CAMK1: variants seen among roughly 807,000 people sequenced by gnomAD.
The protein encoded by CAMK1 is calcium/calmodulin dependent protein kinase I, also known as calcium/calmodulin-dependent protein kinase type 1.
A neutral mutation model predicts 49.1 loss-of-function variants in CAMK1; 39 were observed. The observed-to-expected ratio is 0.79, with a 90% CI of 0.62 to 1.04. The LOEUF (loss-of-function observed/expected upper bound fraction) is 1.04. Ranked by LOEUF, CAMK1 falls within the 50% of genes least tolerant of loss-of-function variation. CAMK1 has a pLI of 0.00. For missense variants in CAMK1, 457 were observed against 472.2 expected (o/e 0.97, Z 0.30); for synonymous variants, 192 against 185.2 (o/e 1.04, Z -0.30).
chr3:9,766,496 A>C, intron 2 of CAMK1: 1 of 420,402 alleles, frequency 2.4e-6, no homozygotes, highest in Non-Finnish European at 4.1e-6. Context: ...AAAGAAAAAA[A>C]AAAGAAATGC....
rs765649218 is a variant in CAMK1, at chr3:9,760,653, T to G, written c.745+3A>C. On this transcript the variant is annotated splice_donor_region_variant and intron_variant, in intron 8 of 11. Transcript: ENST00000256460. Reference sequence around the variant, plus strand: ...CAGGGGAAAAAAGCAAAGCCCCAAATACCAGAGTCAGAGATGTCGTCCCAG... The same window carrying G: ...CAGGGGAAAAAAGCAAAGCCCCAAAGACCAGAGTCAGAGATGTCGTCCCAG... 1.2e-6 allele frequency: 2 copies of G among 1,613,558 alleles called. No homozygotes were observed. Among genetic ancestry groups the G allele is most frequent in the South Asian group, 2.2e-5 (2 of 91,054 alleles).
intron 9 of CAMK1, 34 bp downstream of exon 9, chr3:9,759,638 C>T: frequency 6.2e-7 from 1 of 1,614,050 alleles, no homozygotes; most frequent in Non-Finnish European, 8.5e-7. Flanking sequence ...GGCCCCAAAT[C>T]CCGCCCCAGC....
chr3:9,758,076 CAT>C lies in CAMK1; in HGVS notation c.913-232_913-231del, dbSNP rs3219017. 1,405 of 551,370 alleles carry C rather than the reference CAT, an allele frequency of 2.5e-3. 15 individuals are homozygous for C. Among genetic ancestry groups the C allele is most frequent in the African/African-American group, 0.024 (1,275 of 53,332 alleles). 34.2% of individuals were successfully genotyped at this position (551,370 alleles called of 1,614,324 possible). ...GTGTATCTATATATATAAATAGAAA[CAT>C]AACTATAATTCATATTAATATGTAA... is the stretch of plus-strand genomic sequence containing the variant. On this transcript the variant is annotated intron_variant, in intron 10 of 11. Coordinates refer to ENST00000256460, the MANE Select transcript of CAMK1 (RefSeq NM_003656.5).
At chr3:9,760,560 T>C in intron 8 of CAMK1, 96 bp downstream of exon 8, 1 of 1,273,882 alleles carries the variant, frequency 7.9e-7, no homozygotes. Context: ...TGCTGGAAAA[T>C]CCGACAGAAG....
Position 9,765,774 on chromosome 3 carries a change from ATCTCATTC to A in CAMK1, c.192_199del (p.Glu64AspfsTer17). The A allele has an allele frequency of 6.2e-7, 1 of 1,614,020 alleles. No individual in the cohort carries two copies. The highest frequency in any genetic ancestry group is 8.5e-7 in the Non-Finnish European group (1 of 1,179,976). ...GCCCACGCACTTGTGCAGGACAGCA[ATCTCATTC>A]TCCATGCTGCCTTCCTTGCCCTCCA... On this transcript the variant is annotated frameshift_variant, in exon 3 of 12. Coordinates refer to ENST00000256460, the MANE Select transcript of CAMK1 (RefSeq NM_003656.5). LOFTEE classifies it high-confidence loss of function.
At chr3:9,767,979 G>A (rs1281378070) in intron 1 of CAMK1, among the ~76,000 whole-genome samples, 198 bp from the exon 2 acceptor site, 1 of 152,164 alleles carries the variant, frequency 6.6e-6, no homozygotes, top group Non-Finnish European at 1.5e-5. Context: ...TTTCACAGTG[G>A]CAGCAAAATT....
chr3:9,760,806 G>C, intron 7 of CAMK1, 38 bp from the exon 8 acceptor site: 1 of 1,612,544 alleles, frequency 6.2e-7, no homozygotes, highest in Non-Finnish European at 8.5e-7. Flanking sequence ...TCCACTTTCG[G>C]GTGCCGTTGG....
At chr3:9,769,322 T>C (rs1344089322) in intron 1 of CAMK1, among the ~76,000 whole-genome samples, 2 of 152,030 alleles carry the variant, frequency 1.3e-5, no homozygotes, top group African/African-American at 4.8e-5. Context: ...TGGAAGCTCC[T>C]GTATTCCAAA....
At chr3:9,766,488 A>C in intron 2 of CAMK1, 1 of 404,438 alleles carries the variant, frequency 2.5e-6, no homozygotes, top group South Asian at 2.3e-5. Flanking sequence ...GTCAAAAAAA[A>C]GAAAAAAAAA....
At chr3:9,759,637 T>C in intron 9 of CAMK1, 35 bp downstream of exon 9, 1 of 1,613,964 alleles carries the variant, frequency 6.2e-7, no homozygotes, top group South Asian at 1.1e-5. Flanking sequence ...GGGCCCCAAA[T>C]CCCGCCCCAG....
chr3:9,763,164 C>T lies in CAMK1; in HGVS notation c.265G>A (p.Gly89Ser). 1 of 1,614,012 alleles carries T rather than the reference C, an allele frequency of 6.2e-7. No individual in the cohort carries two copies. ...VALDDIYESGGHLYLIMQLVS... is the reference protein window; with the variant it reads ...VALDDIYESGSHLYLIMQLVS... The stretch of plus-strand genomic sequence containing the variant: ...AGCTGCATGATGAGGTAGAGGTGGC[C>T]CCCACTCTCATAGATGTCATCCAGG... The change falls in exon 4 of 12, where the codon GGC becomes AGC. Residue 89 changes from glycine to serine, a missense_variant. Gly to Ser is a moderately conservative substitution (Grantham distance 56, BLOSUM62 0). Transcript: ENST00000256460.
intron 1 of CAMK1, among the ~76,000 whole-genome samples, chr3:9,768,702 G>C (rs2078224574): frequency 6.6e-6 from 1 of 152,212 alleles, no homozygotes; most frequent in African/African-American, 2.4e-5. Flanking sequence ...CCCATCCACA[G>C]ATGAGGCCAA....
intron 1 of CAMK1, among the ~76,000 whole-genome samples, chr3:9,769,393 C>G (rs567078064): frequency 6.6e-6 from 1 of 152,244 alleles, no homozygotes; most frequent in Admixed American, 6.5e-5. Context: ...TTGTACACCC[C>G]CTCCTAACTC....
intron 5 of CAMK1, chr3:9,762,015 C>A (rs1215989057): frequency 1.0e-5 from 4 of 395,990 alleles, no homozygotes; most frequent in Non-Finnish European, 1.8e-5. Context: ...GTTTGAATGC[C>A]TATTTTATGC....
intron 7 of CAMK1, 188 bp downstream of exon 7, chr3:9,761,273 A>C: frequency 1.6e-6 from 1 of 608,400 alleles, no homozygotes; most frequent in Non-Finnish European, 2.8e-6. Flanking sequence ...AATTTACCCC[A>C]GTGCTTGCTT....
intron 3 of CAMK1, among the ~76,000 whole-genome samples, chr3:9,764,611 G>GTTTTTTTTTTT (rs1310854701): frequency 1.6e-5 from 2 of 125,148 alleles, no homozygotes; most frequent in Non-Finnish European, 3.2e-5. Context: ...TGCGCCTGGC[G>GTTTTTTTTTTT]TTTTTGTTTT....
At chr3:9,760,547 T>A (rs976308150) in intron 8 of CAMK1, 109 bp downstream of exon 8, 2 of 1,085,944 alleles carry the variant, frequency 1.8e-6, no homozygotes, top group African/African-American at 3.1e-5. Context: ...GCTCTTTGTG[T>A]GGTGCTGGAA....
At chr3:9,765,634 C>T (rs139790559) in intron 3 of CAMK1, 125 bp downstream of exon 3, 18,361 of 1,150,086 alleles carry the variant, frequency 0.016, 654 homozygotes, top group Admixed American at 0.15. Flanking sequence ...TTGTGATCCC[C>T]ATTTTATAAA....
rs2078163085 is a variant in CAMK1, at chr3:9,766,661, T to G, written c.84-771A>C. On this transcript the variant is annotated intron_variant, in intron 2 of 11. Coordinates refer to ENST00000256460, the MANE Select transcript of CAMK1 (RefSeq NM_003656.5). ...ACTCATTTAACTAAAGTTAACTGATTAAAGAGGATTTGCTAGGGTATTCTT... is the reference window on the plus strand; with the variant it reads ...ACTCATTTAACTAAAGTTAACTGATGAAAGAGGATTTGCTAGGGTATTCTT... The G allele has an allele frequency of 7.7e-6, 8 of 1,043,838 alleles. No homozygotes were observed. The South Asian group carries it at 2.3e-4, about 30-fold the overall frequency. The allele number at this position is 1,043,838 out of a possible 1,614,324, so 64.7% of individuals were successfully genotyped here. A position where few individuals can be genotyped will look rare whatever the true frequency, so the allele number is the denominator to read the frequency against.
Sources: gnomAD v4.1 joint callset for allele counts (sites outside exome capture counted in the v4.1 genomes callset) on GRCh38, gnomAD v4.1.1 for gene constraint, MANE v1.5 for transcripts, NCBI Gene and HGNC (gene_info 2026-07-23, HGNC 2026-07-21) for gene names.